Variants in RPS6KA2 observed in about 807,000 individuals in gnomAD.
RPS6KA2 encodes the protein ribosomal protein S6 kinase alpha-2.
RPS6KA2 carries 42 observed loss-of-function variants against 91.8 expected under a neutral mutation model. The observed-to-expected ratio is 0.46, with a 90% CI of 0.36 to 0.59. The LOEUF is 0.59. Ranked by LOEUF, RPS6KA2 falls within the 20% of genes least tolerant of loss-of-function variation. The probability of loss-of-function intolerance (pLI) is 0.00; values close to 1 mark genes in which losing one functional copy is unlikely to be tolerated. For missense variants in RPS6KA2, 798 were observed against 978.5 expected, an observed-to-expected ratio of 0.82 and a Z score of 2.46; for synonymous variants, 414 against 393.6, an observed-to-expected ratio of 1.05 and a Z score of -0.61.
At chr6:166,683,538 G>A (rs1469874878) in intron 2 of RPS6KA2, among the ~76,000 whole-genome samples, 2 of 152,202 alleles carry the variant, frequency 1.3e-5, no homozygotes, top group South Asian at 2.1e-4. Flanking sequence ...AAATAAGTCA[G>A]ATTTTACTGG....
intron 1 of RPS6KA2, among the ~76,000 whole-genome samples, chr6:166,556,873 C>A (rs920879534): frequency 2.0e-5 from 3 of 152,192 alleles, no homozygotes; most frequent in Non-Finnish European, 4.4e-5. Context: ...AAAGTACAAT[C>A]CCCTAATGAA....
chr6:166,850,119 C>G (rs1195516052), intron 2 of RPS6KA2, among the ~76,000 whole-genome samples: 4 of 152,212 alleles, frequency 2.6e-5, no homozygotes, highest in Non-Finnish European at 5.9e-5. Context: ...TCATGATTCC[C>G]TGGAGAATTT....
intron 3 of RPS6KA2, among the ~76,000 whole-genome samples, chr6:166,513,387 AG>A (rs1450663820): frequency 6.6e-6 from 1 of 152,376 alleles, no homozygotes; most frequent in African/African-American, 2.4e-5. Flanking sequence ...CTTCTGCCCA[AG>A]GGGACACAGG....
At position 166,638,785 on chromosome 6, in the gene RPS6KA2, G is replaced by A. The variant is rs559665790; in HGVS notation, c.124-100001C>T. 8.7e-4 allele frequency among the ~76,000 whole-genome samples: 132 copies of A among 152,298 alleles called. 1 individual carries two copies. In the South Asian group the frequency reaches 0.026, roughly 30 times the overall value. On this transcript the variant is annotated intron_variant, in intron 2 of 21. Transcript: ENST00000503859. Reference sequence around the variant, plus strand: ...GGGTGGGGCTACCGGCATCTCGTGGGTTGAGGCCGGGCACTGCTGAACCCT... The same window carrying A: ...GGGTGGGGCTACCGGCATCTCGTGGATTGAGGCCGGGCACTGCTGAACCCT...
At chr6:166,682,732 AT>A (rs1788868790) in intron 2 of RPS6KA2, among the ~76,000 whole-genome samples, 1 of 152,212 alleles carries the variant, frequency 6.6e-6, no homozygotes, top group Non-Finnish European at 1.5e-5. Context: ...AAACCATGAA[AT>A]GGAACCTGTC....
intron 2 of RPS6KA2, among the ~76,000 whole-genome samples, chr6:166,777,370 T>C (rs1273468029): frequency 2.0e-5 from 3 of 152,158 alleles, no homozygotes; most frequent in Non-Finnish European, 4.4e-5. Context: ...GGAACATGCC[T>C]AAGTCACAAA....
intron 2 of RPS6KA2, among the ~76,000 whole-genome samples, chr6:166,817,486 C>T (rs907286056): frequency 6.6e-6 from 1 of 152,124 alleles, no homozygotes; most frequent in Non-Finnish European, 1.5e-5. Context: ...TAAAACCTGT[C>T]TGCTAGATAC....
intron 2 of RPS6KA2, among the ~76,000 whole-genome samples, chr6:166,745,403 T>C (rs1790971296): frequency 1.3e-5 from 2 of 152,130 alleles, no homozygotes; most frequent in South Asian, 4.1e-4. Context: ...CCACCTGCCT[T>C]GGCCTCCCAA....
intron 1 of RPS6KA2, among the ~76,000 whole-genome samples, chr6:166,594,225 T>G (rs964832725): frequency 6.6e-6 from 1 of 152,226 alleles, no homozygotes; most frequent in Admixed American, 6.5e-5. Flanking sequence ...AGAAGGTGAT[T>G]CAAATTTTTA....
rs191914046 is a variant in RPS6KA2 at position 166,700,203 on chromosome 6, C to T, written c.123+157997G>A. Among the ~76,000 whole-genome samples the T allele has an allele frequency of 1.1e-3, 167 of 152,326 alleles. 1 individual carries two copies. Among genetic ancestry groups the T allele is most frequent in the Middle Eastern group, 3.4e-3 (1 of 294 alleles). On this transcript the variant is annotated intron_variant, in intron 2 of 21. Transcript: ENST00000503859. ...AAACCAGCCGTTCCAAAATCTTCTG[C>T]CACCACTTTGTTAGTACCATCAGAA...
intron 8 of RPS6KA2, among the ~76,000 whole-genome samples, chr6:166,496,998 A>G: frequency 6.6e-6 from 1 of 152,208 alleles, no homozygotes; most frequent in East Asian, 1.9e-4. Flanking sequence ...AGGGTCACAC[A>G]GGAAACCCAC....
chr6:166,777,265 A>G (rs6919216), intron 2 of RPS6KA2, among the ~76,000 whole-genome samples: 29,045 of 152,192 alleles, frequency 0.19, 3,190 homozygotes, highest in African/African-American at 0.29. Flanking sequence ...ATAATTAAAA[A>G]TGCCAGGCCT....
chr6:166,620,003 AGCCCAC>A (rs1016223986), intron 1 of RPS6KA2, among the ~76,000 whole-genome samples: 1 of 152,220 alleles, frequency 6.6e-6, no homozygotes, highest in African/African-American at 2.4e-5. Flanking sequence ...AAAAGCTGCA[AGCCCAC>A]AGGCCCTTGG....
At chr6:166,673,485 C>G (rs1003220814) in intron 2 of RPS6KA2, among the ~76,000 whole-genome samples, 2 of 152,128 alleles carry the variant, frequency 1.3e-5, no homozygotes, top group Non-Finnish European at 2.9e-5. Flanking sequence ...GGTGCCCTGT[C>G]GACAACTCTG....
At chr6:166,768,483 C>A (rs897251423) in intron 2 of RPS6KA2, among the ~76,000 whole-genome samples, 1 of 152,100 alleles carries the variant, frequency 6.6e-6, no homozygotes, top group Non-Finnish European at 1.5e-5. Context: ...CTTAGCCAAG[C>A]GGCAGGGGCA....
rs1784118828 is a variant in RPS6KA2, at chr6:166,554,467, C to A, written c.100-15683G>T. ...GAAGCTGCTGGCTGAATAAAAATCC[C>A]ACGGGAATTTCTGTTCCCTTTCTAT... On this transcript the variant is annotated intron_variant, in intron 1 of 20. Transcript: ENST00000265678. This position sits in a 1 kb window ranked among gnomAD's most constrained non-coding sequence, Gnocchi z 4.3. Among the ~76,000 whole-genome samples the A allele has an allele frequency of 6.6e-6, 1 of 152,238 alleles. No individual in the cohort carries two copies. The highest frequency in any genetic ancestry group is 1.5e-5 in the Non-Finnish European group (1 of 68,046).
Position 166,412,954 on chromosome 6 carries a change from G to C in RPS6KA2, c.2077-67C>G. 6.9e-7 allele frequency: 1 copy of C among 1,447,794 alleles called. No homozygotes were observed. Among genetic ancestry groups the C allele is most frequent in the South Asian group, 1.4e-5 (1 of 73,366 alleles). 89.7% of individuals were successfully genotyped at this position (1,447,794 alleles called of 1,614,324 possible). A position where few individuals can be genotyped will look rare whatever the true frequency, so the allele number is the denominator to read the frequency against. ...TCCAGGGGTTGAGCCGGAGCCCGGG[G>C]CCTCCATGGGCCTCAGCTGCCCCCA... On this transcript the variant is annotated intron_variant, in intron 20 of 20. Coordinates refer to ENST00000265678, the MANE Select transcript of RPS6KA2 (RefSeq NM_021135.6). This position sits in a 1 kb window ranked among gnomAD's most constrained non-coding sequence, Gnocchi z 4.3.
At chr6:166,531,156 G>T (rs1783260336) in intron 3 of RPS6KA2, 76 bp downstream of exon 3, 3 of 959,624 alleles carry the variant, frequency 3.1e-6, no homozygotes, top group Non-Finnish European at 5.1e-6. Flanking sequence ...TAAATGGAAT[G>T]AATATTTCCT....
intron 2 of RPS6KA2, among the ~76,000 whole-genome samples, chr6:166,712,674 A>G (rs568169212): frequency 1.3e-5 from 2 of 152,178 alleles, no homozygotes; most frequent in Non-Finnish European, 2.9e-5. Flanking sequence ...GTTCCCCTGC[A>G]CTATCTCTTG....
Sources: gnomAD v4.1 joint callset for allele counts (sites outside exome capture counted in the v4.1 genomes callset) on GRCh38, gnomAD v4.1.1 for gene constraint, Gnocchi (gnomAD v3.1) non-coding constraint, MANE v1.5 for transcripts, NCBI Gene and HGNC (gene_info 2026-07-23, HGNC 2026-07-21) for gene names.